The following ALOX5AP variants were observed in gnomAD, a reference collection of about 807,000 sequenced individuals.
The protein encoded by ALOX5AP is arachidonate 5-lipoxygenase activating protein.
A neutral mutation model predicts 18.5 loss-of-function variants in ALOX5AP; 9 were observed. The ratio of observed to expected loss-of-function variants is 0.49; its 90% CI spans 0.29 to 0.85. The LOEUF (loss-of-function observed/expected upper bound fraction) is 0.85. ALOX5AP is among the 40% of genes least tolerant of loss of function. The pLI, the probability that ALOX5AP is intolerant of heterozygous loss-of-function variation, is 0.08. For synonymous variants in ALOX5AP, 81 were observed against 78.6 expected (o/e 1.03, Z -0.16); for missense variants, 172 against 202.5 (o/e 0.85, Z 0.91).
chr13:30,716,061 CACA>C (rs1468821963), intron 1 of ALOX5AP, among the ~76,000 whole-genome samples: 1 of 152,226 alleles, frequency 6.6e-6, no homozygotes, highest in Non-Finnish European at 1.5e-5. Flanking sequence ...TGACAGCCAC[CACA>C]TGCTAAGGAA....
At chr13:30,728,680 C>T (rs771925440) in intron 1 of ALOX5AP, among the ~76,000 whole-genome samples, 2 of 152,096 alleles carry the variant, frequency 1.3e-5, no homozygotes, top group South Asian at 2.1e-4. Context: ...GATACCCTGT[C>T]TGTACAAAAT....
intron 1 of ALOX5AP, 21 bp from the exon 2 acceptor site, chr13:30,744,039 G>A (rs1951788357): frequency 1.9e-6 from 3 of 1,605,982 alleles, no homozygotes; most frequent in Non-Finnish European, 2.6e-6. Context: ...TGAACCAGAT[G>A]CAAACCTTTT....
At chr13:30,725,446 G>A (rs1403941273) in intron 1 of ALOX5AP, among the ~76,000 whole-genome samples, 2 of 152,248 alleles carry the variant, frequency 1.3e-5, no homozygotes, top group African/African-American at 4.8e-5. Context: ...TCATGGCCAT[G>A]GGGGCAGGGC....
At chr13:30,738,020 C>G (rs1951734352) in intron 1 of ALOX5AP, among the ~76,000 whole-genome samples, 1 of 152,154 alleles carries the variant, frequency 6.6e-6, no homozygotes, top group South Asian at 2.1e-4. Context: ...ATGCAAAAAC[C>G]CTGCCTTTCT....
At chr13:30,739,950 C>A (rs965491288) in intron 1 of ALOX5AP, among the ~76,000 whole-genome samples, 14 of 152,218 alleles carry the variant, frequency 9.2e-5, no homozygotes, top group Admixed American at 8.5e-4. Flanking sequence ...AAATCTGCAG[C>A]CCTATGCGTT....
In ALOX5AP at chr13:30,724,816, T is replaced by C. The variant is rs185922124; in HGVS notation, c.117-10735T>C. ...TTCCATCATCAAATGGAATATGAGATTGGGCCCAAGTAGGTCCTGCAGACA... is the reference window on the plus strand; with the variant it reads ...TTCCATCATCAAATGGAATATGAGACTGGGCCCAAGTAGGTCCTGCAGACA... On this transcript the variant is annotated intron_variant, in intron 1 of 5. Transcript: ENST00000617770. 2.2e-3 allele frequency among the ~76,000 whole-genome samples: 332 copies of C among 152,242 alleles called. 2 individuals carry two copies. The highest frequency in any genetic ancestry group is 0.02 in the Admixed American group (300 of 15,292).
chr13:30,717,103 C>T (rs1951556390), intron 1 of ALOX5AP, among the ~76,000 whole-genome samples: 1 of 152,184 alleles, frequency 6.6e-6, no homozygotes, highest in Non-Finnish European at 1.5e-5. Flanking sequence ...CACTCACAGT[C>T]CCTGCTCTAA....
intron 1 of ALOX5AP, among the ~76,000 whole-genome samples, chr13:30,736,238 G>A (rs142174990): frequency 1.2e-3 from 179 of 151,290 alleles, no homozygotes; most frequent in African/African-American, 4.0e-3. Context: ...TCTCTAGCAC[G>A]TATAATTTTG....
At chr13:30,760,310 G>A (rs1016721967) in intron 4 of ALOX5AP, among the ~76,000 whole-genome samples, 2 of 151,944 alleles carry the variant, frequency 1.3e-5, no homozygotes, top group Admixed American at 6.6e-5. Context: ...GAGCTGGGGT[G>A]GTCTCGAACT....
At chr13:30,751,644 C>A (rs1228686568) in intron 2 of ALOX5AP, among the ~76,000 whole-genome samples, 1 of 152,214 alleles carries the variant, frequency 6.6e-6, no homozygotes, top group African/African-American at 2.4e-5. Context: ...ATTTGTGGAT[C>A]TGATAGAAAA....
At chr13:30,746,789 T>C (rs1242006456) in intron 2 of ALOX5AP, among the ~76,000 whole-genome samples, 1 of 152,262 alleles carries the variant, frequency 6.6e-6, no homozygotes, top group East Asian at 1.9e-4. Context: ...ACATGGACAG[T>C]AGTATGTGTA....
chr13:30,738,291 T>C (rs1302331553), intron 1 of ALOX5AP, among the ~76,000 whole-genome samples: 1 of 152,166 alleles, frequency 6.6e-6, no homozygotes, highest in Non-Finnish European at 1.5e-5. Context: ...ATCTTCAAAT[T>C]TGTAACCCTT....
At chr13:30,741,590 G>A (rs562856772) in intron 1 of ALOX5AP, among the ~76,000 whole-genome samples, 274 of 127,210 alleles carry the variant, frequency 2.2e-3, no homozygotes, top group African/African-American at 7.7e-3. Flanking sequence ...TGTATTTTTA[G>A]TAGAGATGGG....
intron 1 of ALOX5AP, among the ~76,000 whole-genome samples, chr13:30,727,418 C>G (rs569780802): frequency 6.6e-6 from 1 of 152,114 alleles, no homozygotes; most frequent in Non-Finnish European, 1.5e-5. Context: ...ACCAGGTAAG[C>G]CCTGGTAGAT....
chr13:30,720,869 G>A (rs1951588249), intron 1 of ALOX5AP, among the ~76,000 whole-genome samples: 1 of 152,128 alleles, frequency 6.6e-6, no homozygotes, highest in Non-Finnish European at 1.5e-5. Flanking sequence ...AGAATGGGTT[G>A]TCTGTACCCT....
At chr13:30,763,044 A>T (rs1193343226) in intron 4 of ALOX5AP, among the ~76,000 whole-genome samples, 1 of 152,220 alleles carries the variant, frequency 6.6e-6, no homozygotes, top group African/African-American at 2.4e-5. Context: ...ATGGTGGTTT[A>T]CGCCTATAAT....
At chr13:30,745,205 A>T (rs951590537) in intron 2 of ALOX5AP, among the ~76,000 whole-genome samples, 1 of 152,120 alleles carries the variant, frequency 6.6e-6, no homozygotes, top group African/African-American at 2.4e-5. Context: ...CTCTCTCTTC[A>T]GTCCTTCTCC....
chr13:30,736,298 G>A (rs1951721264), intron 1 of ALOX5AP, among the ~76,000 whole-genome samples: 1 of 151,766 alleles, frequency 6.6e-6, no homozygotes, highest in Non-Finnish European at 1.5e-5. Context: ...GAGAGAGAGA[G>A]GAAAATTGTC....
upstream of ALOX5AP, among the ~76,000 whole-genome samples, chr13:30,734,896 G>T (rs1040877592): frequency 6.6e-6 from 1 of 152,064 alleles, no homozygotes; most frequent in Admixed American, 6.6e-5. Flanking sequence ...GCTACTTACC[G>T]TGTGTTAAGT....
Sources: gnomAD v4.1 joint callset for allele counts (sites outside exome capture counted in the v4.1 genomes callset) on GRCh38, gnomAD v4.1.1 for gene constraint, MANE v1.5 for transcripts, NCBI Gene and HGNC (gene_info 2026-07-23, HGNC 2026-07-21) for gene names.